The following SLC2A9 variants were observed in gnomAD, a reference collection of about 807,000 sequenced individuals.
SLC2A9 encodes solute carrier family 2, facilitated glucose transporter member 9.
In SLC2A9, 39 loss-of-function variants were observed where a neutral mutation model predicts 50.6. The ratio of observed to expected loss-of-function variants is 0.77; its 90% CI spans 0.60 to 1.01. The LOEUF is 1.01. Among genes scored for constraint, SLC2A9 ranks in the 50% least tolerant of loss-of-function variants. The pLI, the probability that SLC2A9 is intolerant of heterozygous loss-of-function variation, is 0.00. For synonymous variants in SLC2A9, 324 were observed against 276.9 expected, an observed-to-expected ratio of 1.17 and a Z score of -1.69; for missense variants, 686 against 677.6, an observed-to-expected ratio of 1.01 and a Z score of -0.14.
chr4:9,996,617 T>C (rs1310578021), intron 3 of SLC2A9, among the ~76,000 whole-genome samples, 164 bp downstream of exon 3: 3 of 152,210 alleles, frequency 2.0e-5, no homozygotes, highest in Admixed American at 1.3e-4. Context: ...TCAGTTATCT[T>C]TGGACCTTGG....
At chr4:10,030,566 C>G (rs1044206576) in intron 1 of SLC2A9, among the ~76,000 whole-genome samples, 3 of 152,018 alleles carry the variant, frequency 2.0e-5, no homozygotes, top group Non-Finnish European at 2.9e-5. Flanking sequence ...ATAGGCCATT[C>G]AAGTGTGTGG....
chr4:9,773,040 C>A (rs1391200228), intron 1 of SLC2A9, among the ~76,000 whole-genome samples: 2 of 152,102 alleles, frequency 1.3e-5, no homozygotes, highest in African/African-American at 4.8e-5. Flanking sequence ...GTCTCGTAAG[C>A]CCATCCTTCT....
chr4:9,778,474 T>C (rs1394926346), downstream of SLC2A9, among the ~76,000 whole-genome samples: 5 of 152,022 alleles, frequency 3.3e-5, no homozygotes, highest in Non-Finnish European at 5.9e-5. Flanking sequence ...TCTCTAGAAT[T>C]CCCTTTTACT....
rs138191861 is a variant in SLC2A9 at position 9,800,899 on chromosome 4, G to A, written n.421-1658C>T. Among the ~76,000 whole-genome samples, 18 of 152,196 alleles carry A rather than the reference G, an allele frequency of 1.2e-4. 1 individual carries two copies. In the East Asian group the frequency reaches 3.5e-3, roughly 29 times the overall value. ...GAAACCAATAGCCATGGATACCGAGGGACAACTGTATTTTGTTCCAGCCAT... is the reference window on the plus strand; with the variant it reads ...GAAACCAATAGCCATGGATACCGAGAGACAACTGTATTTTGTTCCAGCCAT... On this transcript the variant is annotated intron_variant and non_coding_transcript_variant, in intron 3 of 3. Transcript: ENST00000503280.
intron 10 of SLC2A9, among the ~76,000 whole-genome samples, chr4:9,873,438 C>T (rs945826342): frequency 5.3e-5 from 8 of 152,202 alleles, no homozygotes; most frequent in African/African-American, 1.9e-4. Flanking sequence ...TTTCCCCATC[C>T]CTTGAATCTG....
chr4:9,903,611 C>T (rs1740067717), intron 8 of SLC2A9, among the ~76,000 whole-genome samples: 2 of 152,102 alleles, frequency 1.3e-5, no homozygotes, highest in Admixed American at 6.6e-5. Flanking sequence ...TGTCTTTCCC[C>T]TCTCAACTTT....
chr4:9,853,745 T>TAAAACAATATTCAGCAAATTGAC lies in SLC2A9; in HGVS notation c.1292-18760_1292-18738dup, dbSNP rs377073987. ...CCAAAATTGACCACACAATTGGCCA[T>TAAAACAATATTCAGCAAATTGAC]AAAACAATATTCAGCAAATTGACAA... On this transcript the variant is annotated intron_variant, in intron 10 of 11. Transcript: ENST00000264784. Among the ~76,000 whole-genome samples, 834 of 152,238 alleles carry TAAAACAATATTCAGCAAATTGAC rather than the reference T, an allele frequency of 5.5e-3. 7 individuals carry two copies. The highest frequency in any genetic ancestry group is 0.019 in the African/African-American group (785 of 41,514).
chr4:10,029,899 G>T (rs1459153008), intron 1 of SLC2A9, among the ~76,000 whole-genome samples: 1 of 152,096 alleles, frequency 6.6e-6, no homozygotes, highest in African/African-American at 2.4e-5. Context: ...GCCTCCCAAA[G>T]TGCTGGGATT....
intron 3 of SLC2A9, among the ~76,000 whole-genome samples, chr4:9,810,323 G>A (rs1722711250): frequency 1.3e-5 from 2 of 152,084 alleles, no homozygotes; most frequent in African/African-American, 4.8e-5. Context: ...GTGACTGTGG[G>A]CAAGTCATTT....
chr4:10,004,451 G>A (rs1760413315), intron 2 of SLC2A9, among the ~76,000 whole-genome samples: 1 of 152,152 alleles, frequency 6.6e-6, no homozygotes, highest in Non-Finnish European at 1.5e-5. Flanking sequence ...CCAAGACGCT[G>A]AGAATGTGTT....
At chr4:10,036,275 T>C (rs552089555) in intron 1 of SLC2A9, 1 of 152,300 alleles carries the variant, frequency 6.6e-6, no homozygotes, top group Non-Finnish European at 1.5e-5. Context: ...CCCATACACA[T>C]TTCCGTAAAC....
rs773969916 is a variant in SLC2A9, at chr4:9,835,027, G to T, written c.1292-19C>A. The T allele has an allele frequency of 6.8e-6, 11 of 1,612,648 alleles. No homozygotes were observed. Among genetic ancestry groups the T allele is most frequent in the Non-Finnish European group, 9.3e-6 (11 of 1,179,876 alleles). ...ATGCCACCTGCAGTGTGTGAGCCAG[G>T]ACATGGAATTAATCACTCTGAGAAG... On this transcript the variant is annotated intron_variant, in intron 10 of 11. Coordinates refer to ENST00000264784, the MANE Select transcript of SLC2A9 (RefSeq NM_020041.3).
chr4:9,808,558 G>T (rs571221704), intron 3 of SLC2A9, among the ~76,000 whole-genome samples: 6 of 152,056 alleles, frequency 3.9e-5, no homozygotes, highest in Non-Finnish European at 1.5e-5. Context: ...ACTGGGACCC[G>T]CCTTCTTCCA....
chr4:10,033,233 G>C (rs1763991153), intron 1 of SLC2A9, among the ~76,000 whole-genome samples: 1 of 152,140 alleles, frequency 6.6e-6, no homozygotes, highest in Admixed American at 6.5e-5. Flanking sequence ...GCAACAGATG[G>C]GATAAGTAAG....
intron 2 of SLC2A9, among the ~76,000 whole-genome samples, chr4:10,015,993 G>A (rs1762543439): frequency 6.6e-6 from 1 of 152,210 alleles, no homozygotes; most frequent in Non-Finnish European, 1.5e-5. Flanking sequence ...TTCCCAGGCC[G>A]TGGATCTGGG....
intron 6 of SLC2A9, among the ~76,000 whole-genome samples, chr4:9,926,839 A>AGAT: frequency 6.6e-6 from 1 of 152,244 alleles, no homozygotes; most frequent in South Asian, 2.1e-4. Context: ...GAAGAGACAC[A>AGAT]GATAGATACA....
intron 6 of SLC2A9, among the ~76,000 whole-genome samples, chr4:9,929,984 A>G (rs1213124375): frequency 6.6e-6 from 1 of 152,118 alleles, no homozygotes; most frequent in Non-Finnish European, 1.5e-5. Context: ...ACTCCCCTCC[A>G]AAGACCATCA....
chr4:10,021,626 G>A, upstream of SLC2A9: 2 of 770,964 alleles, frequency 2.6e-6, no homozygotes, highest in Non-Finnish European at 4.2e-6. Context: ...CAATGAAACA[G>A]TCCAAAAAGG....
At chr4:9,916,811 C>A (rs1269419321) in intron 7 of SLC2A9, among the ~76,000 whole-genome samples, 1 of 152,222 alleles carries the variant, frequency 6.6e-6, no homozygotes, top group Non-Finnish European at 1.5e-5. Context: ...CCACACTGGG[C>A]TTGACAATTG....
Sources: gnomAD v4.1 joint callset for allele counts (sites outside exome capture counted in the v4.1 genomes callset) on GRCh38, gnomAD v4.1.1 for gene constraint, MANE v1.5 for transcripts, NCBI Gene and HGNC (gene_info 2026-07-23, HGNC 2026-07-21) for gene names.